The following METTL16 variants were observed in gnomAD, a reference collection of about 807,000 sequenced individuals.
The protein encoded by METTL16 is RNA N(6)-adenosine-methyltransferase METTL16.
In METTL16, 19 loss-of-function variants were observed where a neutral mutation model predicts 57.9. The ratio of observed to expected loss-of-function variants is 0.33; its 90% CI spans 0.23 to 0.48. METTL16 has a LOEUF of 0.48. Among genes scored for constraint, METTL16 ranks in the 20% least tolerant of loss-of-function variants. METTL16 has a pLI of 0.99. For synonymous variants in METTL16, 246 were observed against 255.6 expected (o/e 0.96, Z 0.36); for missense variants, 434 against 691.5 (o/e 0.63, Z 4.18).
rs376112549 is a variant in METTL16, at chr17:2,428,602, T to TATATATTAAA, written c.889-7699_889-7698insTTTAATATAT. On this transcript the variant is annotated intron_variant, in intron 8 of 9. Coordinates refer to ENST00000263092, the MANE Select transcript of METTL16 (RefSeq NM_024086.4). ...ATATATATATATATATATATATATA[T>TATATATTAAA]AAATTGTAATACAGCGGGGCACAGT... 1.9e-3 allele frequency among the ~76,000 whole-genome samples: 178 copies of TATATATTAAA among 94,958 alleles called. 13 individuals are homozygous for TATATATTAAA. The highest frequency in any genetic ancestry group is 6.9e-3 in the African/African-American group (147 of 21,412). 62.3% of individuals were successfully genotyped at this position (94,958 alleles called of 152,430 possible).
At chr17:2,495,478 C>T (rs1387647404) in intron 2 of METTL16, among the ~76,000 whole-genome samples, 2 of 151,136 alleles carry the variant, frequency 1.3e-5, no homozygotes, top group Admixed American at 6.6e-5. Context: ...GGGCGGATCA[C>T]GAGGTCAGGA....
intron 2 of METTL16, among the ~76,000 whole-genome samples, chr17:2,483,601 A>G (rs1164560657): frequency 2.6e-5 from 4 of 152,186 alleles, no homozygotes; most frequent in African/African-American, 9.7e-5. Context: ...ACAACCACGA[A>G]CACATTTCTG....
chr17:2,511,772 G>A lies in METTL16; in HGVS notation c.-14C>T, dbSNP rs1268583166. On this transcript the variant is annotated 5_prime_UTR_variant, in exon 1 of 10. Transcript: ENST00000263092. Reference sequence around the variant, plus strand: ...TAAGTGACCCACCTCTGAGGCCGAGGTTCCTGCCAGACGTCGTGTCTGGCG... The same window carrying A: ...TAAGTGACCCACCTCTGAGGCCGAGATTCCTGCCAGACGTCGTGTCTGGCG... The A allele has an allele frequency of 2.5e-6, 1 of 398,562 alleles. No homozygotes were observed. Among genetic ancestry groups the A allele is most frequent in the Non-Finnish European group, 4.4e-6 (1 of 226,058 alleles). 24.7% of individuals were successfully genotyped at this position (398,562 alleles called of 1,614,324 possible). A position where few individuals can be genotyped will look rare whatever the true frequency, so the allele number is the denominator to read the frequency against.
Position 2,420,046 on chromosome 17 carries a change from C to T in METTL16, c.1613G>A (p.Gly538Asp). The T allele has an allele frequency of 6.2e-7, 1 of 1,614,150 alleles. No homozygotes were observed. The highest frequency in any genetic ancestry group is 8.5e-7 in the Non-Finnish European group (1 of 1,180,046). Residue 538 changes from glycine to aspartate, a missense_variant, in exon 10 of 10, where the codon GGC becomes GAC. Physicochemically the swap from Gly to Asp is moderately conservative, Grantham distance 94. This residue lies in a region of METTL16 where 26 missense variants were observed against 60.7 expected (regional missense o/e 0.43). Transcript: ENST00000263092. This position sits in a 1 kb window ranked among gnomAD's most constrained non-coding sequence, Gnocchi z 5.4. ...CTGGTTCATCAGATCCCTGTTCTGG[C>T]CCTCAACCCAGTGCATCTCCACTAA... ...DALVEMHWVE[G>D]QNRDLMNQLC...
chr17:2,423,154 C>T (rs1325182356), intron 8 of METTL16, among the ~76,000 whole-genome samples: 1 of 152,080 alleles, frequency 6.6e-6, no homozygotes, highest in Non-Finnish European at 1.5e-5. Context: ...TACTGGGGGA[C>T]GTCTTCTAAT....
intron 2 of METTL16, among the ~76,000 whole-genome samples, chr17:2,496,767 C>T (rs184107980): frequency 2.0e-5 from 3 of 151,488 alleles, no homozygotes; most frequent in South Asian, 2.1e-4. Context: ...GTTTAGGTCA[C>T]GAGGGCTTTG....
chr17:2,497,991 G>A (rs1328853948), intron 2 of METTL16, among the ~76,000 whole-genome samples: 1 of 151,444 alleles, frequency 6.6e-6, no homozygotes, highest in African/African-American at 2.4e-5. Context: ...TCAGGAGATC[G>A]AGACCATCGT....
At chr17:2,486,469 C>T (rs1775953266) in intron 2 of METTL16, among the ~76,000 whole-genome samples, 1 of 152,048 alleles carries the variant, frequency 6.6e-6, no homozygotes, top group Non-Finnish European at 1.5e-5. Flanking sequence ...GACGGGGTTT[C>T]ACCGTGTCAG....
chr17:2,508,423 T>C (rs913822857), intron 1 of METTL16, among the ~76,000 whole-genome samples: 5 of 152,168 alleles, frequency 3.3e-5, no homozygotes, highest in Non-Finnish European at 5.9e-5. Flanking sequence ...CACCCCAAAC[T>C]GGTCCTTCTC....
At chr17:2,500,680 C>T (rs922343835) in intron 2 of METTL16, among the ~76,000 whole-genome samples, 7 of 152,208 alleles carry the variant, frequency 4.6e-5, no homozygotes, top group Non-Finnish European at 1.0e-4. Context: ...TGGGAATTTC[C>T]AATTCCCTCT....
rs577051528 is a variant in METTL16, at chr17:2,419,455, C to G, written c.*515G>C. On this transcript the variant is annotated 3_prime_UTR_variant, in exon 10 of 10. Coordinates refer to ENST00000263092, the MANE Select transcript of METTL16 (RefSeq NM_024086.4). Reference sequence around the variant, plus strand: ...ATTACTAAGGTTTCTCTCCCAGATTCCCCACCACCCACCATACAGCTCCCT... The same window carrying G: ...ATTACTAAGGTTTCTCTCCCAGATTGCCCACCACCCACCATACAGCTCCCT... 9.1e-4 allele frequency: 305 copies of G among 333,868 alleles called. 2 individuals are homozygous for G. Among genetic ancestry groups the G allele is most frequent in the Non-Finnish European group, 1.5e-3 (245 of 167,804 alleles). The allele number at this position is 333,868 out of a possible 1,614,324, so 20.7% of individuals were successfully genotyped here. A position where few individuals can be genotyped will look rare whatever the true frequency, so the allele number is the denominator to read the frequency against.
At chr17:2,433,757 C>T (rs567759050) in intron 8 of METTL16, among the ~76,000 whole-genome samples, 6 of 152,348 alleles carry the variant, frequency 3.9e-5, no homozygotes, top group East Asian at 1.9e-4. Flanking sequence ...ATCCTGCGCA[C>T]GATGTTGCTC....
In METTL16 at chr17:2,416,358, T is replaced by G. The variant is rs2066715102; in HGVS notation, c.*3612A>C. 1 of 152,238 alleles carries G rather than the reference T, an allele frequency of 6.6e-6. No individual in the cohort carries two copies. The allele number at this position is 152,238 out of a possible 1,614,324, so 9.4% of individuals were successfully genotyped here. Reference sequence around the variant, plus strand: ...AGGCTTTTCCATCTTTTCCACTCCTTGCAGTTTTGTTATTCCTGTCACAAC... The same window carrying G: ...AGGCTTTTCCATCTTTTCCACTCCTGGCAGTTTTGTTATTCCTGTCACAAC... On this transcript the variant is annotated 3_prime_UTR_variant, in exon 10 of 10. Transcript: ENST00000263092.
chr17:2,421,485 T>C (rs2066765083), intron 8 of METTL16, among the ~76,000 whole-genome samples: 1 of 152,242 alleles, frequency 6.6e-6, no homozygotes, highest in South Asian at 2.1e-4. Flanking sequence ...CAGTTAGGAC[T>C]GAACGCCGAA....
chr17:2,427,797 C>A (rs925114960), intron 8 of METTL16, among the ~76,000 whole-genome samples: 9 of 151,812 alleles, frequency 5.9e-5, no homozygotes, highest in Non-Finnish European at 1.0e-4. Flanking sequence ...TAAAAACCCA[C>A]AGATGTGAAG....
chr17:2,504,766 C>A (rs773817488), intron 1 of METTL16, among the ~76,000 whole-genome samples: 1 of 152,002 alleles, frequency 6.6e-6, no homozygotes, highest in Non-Finnish European at 1.5e-5. Flanking sequence ...GAGACAGGGT[C>A]TCCCTTTGTT....
At chr17:2,471,151 A>T (rs1464020118) in intron 4 of METTL16, among the ~76,000 whole-genome samples, 1 of 152,174 alleles carries the variant, frequency 6.6e-6, no homozygotes, top group Non-Finnish European at 1.5e-5. Context: ...CAGATCACAG[A>T]CCTAAATGTA....
chr17:2,486,792 G>A (rs927980132), intron 2 of METTL16, among the ~76,000 whole-genome samples: 2 of 151,752 alleles, frequency 1.3e-5, no homozygotes, highest in African/African-American at 4.8e-5. Flanking sequence ...GGGTAGCATG[G>A]TGAAACCCTA....
Position 2,420,826 on chromosome 17 carries a change from C to A in METTL16, c.967G>T (p.Glu323Ter). The A allele has an allele frequency of 1.2e-6, 2 of 1,614,242 alleles. No individual in the cohort carries two copies. The highest frequency in any genetic ancestry group is 1.7e-6 in the Non-Finnish European group (2 of 1,180,050). ...TFVVLASVMK[E>*]LSLKASPLRS... The stretch of plus-strand genomic sequence containing the variant: ...AGAGGTGATGCTTTGAGGGATAATT[C>A]CTTCATCACGGACGCCAGCACCACG... Residue 323 changes from glutamate to a stop codon, truncating the protein, a stop_gained, in exon 9 of 10, where the codon GAA becomes TAA. Transcript: ENST00000263092. LOFTEE classifies it high-confidence loss of function. This position sits in a 1 kb window ranked among gnomAD's most constrained non-coding sequence, Gnocchi z 5.4.
Sources: allele counts gnomAD v4.1 joint callset (sites outside exome capture counted in the v4.1 genomes callset), GRCh38; gene constraint gnomAD v4.1.1; regional missense constraint gnomAD v4.1.1; non-coding constraint Gnocchi (gnomAD v3.1); transcripts MANE v1.5; gene names NCBI Gene and HGNC (gene_info 2026-07-23, HGNC 2026-07-21).